BRINP1: variants seen among roughly 807,000 people sequenced by gnomAD.
BRINP1 encodes BMP/retinoic acid inducible neural specific 1.
Under a neutral mutation model 72.9 loss-of-function variants are expected in BRINP1, and 17 were observed. That is an observed-to-expected ratio of 0.23 (90% CI 0.16 to 0.35). The LOEUF is 0.35. Among genes scored for constraint, BRINP1 ranks in the 10% least tolerant of loss-of-function variants. The pLI, the probability that BRINP1 is intolerant of heterozygous loss-of-function variation, is 1.00. For missense variants in BRINP1, 850 were observed against 1,001.6 expected, an observed-to-expected ratio of 0.85 and a Z score of 2.04; for synonymous variants, 418 against 378.5, an observed-to-expected ratio of 1.10 and a Z score of -1.21.
At chr9:119,220,921 T>C (rs546333628) in intron 5 of BRINP1, among the ~76,000 whole-genome samples, 4 of 152,316 alleles carry the variant, frequency 2.6e-5, no homozygotes, top group African/African-American at 9.6e-5. Context: ...GCCTTTCTTA[T>C]GCAAGGCAAA....
intron 5 of BRINP1, among the ~76,000 whole-genome samples, chr9:119,218,847 T>C (rs1178964441): frequency 2.0e-5 from 3 of 151,428 alleles, no homozygotes; most frequent in African/African-American, 2.4e-5. Flanking sequence ...TCGGCTGCCA[T>C]GGACTGCATG....
chr9:119,213,591 C>G, intron 6 of BRINP1: 1 of 524,058 alleles, frequency 1.9e-6, no homozygotes, highest in Non-Finnish European at 3.4e-6. Context: ...CACACATACA[C>G]AGCCCAAGGA....
At chr9:119,186,436 G>A (rs1258689202) in intron 7 of BRINP1, among the ~76,000 whole-genome samples, 6 of 152,146 alleles carry the variant, frequency 3.9e-5, no homozygotes, top group Non-Finnish European at 7.4e-5. Context: ...AGCCATGACC[G>A]CATGCCTAAG....
chr9:119,262,181 G>A (rs1160774548), intron 2 of BRINP1, among the ~76,000 whole-genome samples: 1 of 152,190 alleles, frequency 6.6e-6, no homozygotes, highest in Non-Finnish European at 1.5e-5. Context: ...CATGCCACAT[G>A]TGGTTTAGGA....
intron 2 of BRINP1, among the ~76,000 whole-genome samples, chr9:119,259,336 T>C (rs1208822112): frequency 2.0e-5 from 3 of 152,220 alleles, no homozygotes; most frequent in Non-Finnish European, 4.4e-5. Context: ...TTAAACATAA[T>C]GAATGCAATT....
At chr9:119,177,192 C>T (rs1829499202) in intron 7 of BRINP1, among the ~76,000 whole-genome samples, 2 of 152,244 alleles carry the variant, frequency 1.3e-5, no homozygotes, top group South Asian at 4.2e-4. Flanking sequence ...CAAACTTCTA[C>T]CTCTCCCCTC....
intron 2 of BRINP1, among the ~76,000 whole-genome samples, chr9:119,290,162 T>C (rs1830807471): frequency 6.6e-6 from 1 of 152,226 alleles, no homozygotes; most frequent in Admixed American, 6.5e-5. Flanking sequence ...GGAGAGTTTA[T>C]TCTTGAAAAA....
chr9:119,283,574 G>C (rs1830733252), intron 2 of BRINP1, among the ~76,000 whole-genome samples: 1 of 152,132 alleles, frequency 6.6e-6, no homozygotes, highest in Non-Finnish European at 1.5e-5. Context: ...TGTTGCGTAG[G>C]CTGGAGTGCG....
At chr9:119,198,838 A>G (rs1829774231) in intron 7 of BRINP1, among the ~76,000 whole-genome samples, 1 of 151,754 alleles carries the variant, frequency 6.6e-6, no homozygotes, top group South Asian at 2.1e-4. Flanking sequence ...CGCCAGGCTG[A>G]TTTTTGTATT....
In BRINP1 at chr9:119,368,947, G is replaced by A. The variant is rs1318281948; in HGVS notation, c.-51+109C>T. The A allele has an allele frequency of 2.3e-5, 9 of 384,658 alleles. No individual in the cohort carries two copies. Among genetic ancestry groups the A allele is most frequent in the Non-Finnish European group, 4.1e-5 (9 of 217,588 alleles). The allele number at this position is 384,658 out of a possible 1,614,324, so 23.8% of individuals were successfully genotyped here. A position where few individuals can be genotyped will look rare whatever the true frequency, so the allele number is the denominator to read the frequency against. On this transcript the variant is annotated intron_variant, in intron 1 of 7. Coordinates refer to ENST00000265922, the MANE Select transcript of BRINP1 (RefSeq NM_014618.3). The surrounding 1 kb of genome is among the most constrained non-coding windows in gnomAD (Gnocchi z 4.7). ...GGCGGCCAGGTGAAGAGCGGACAAG[G>A]GTGCCGGTAGGGGGAGGGGCAGAGG...
intron 7 of BRINP1, among the ~76,000 whole-genome samples, chr9:119,169,262 T>C (rs562053730): frequency 3.3e-5 from 5 of 152,270 alleles, no homozygotes; most frequent in South Asian, 2.1e-4. Context: ...GCGCAGGTCA[T>C]TGGGTGCACG....
At chr9:119,232,253 C>T (rs1299255851) in intron 5 of BRINP1, among the ~76,000 whole-genome samples, 4 of 152,146 alleles carry the variant, frequency 2.6e-5, no homozygotes, top group African/African-American at 9.7e-5. Context: ...CCTCTCACCA[C>T]CTTCATTGCA....
rs1003871610 is a variant in BRINP1 at position 119,167,927 on chromosome 9, C to G, written c.1443G>C (p.Leu481=). 1 of 1,614,096 alleles carries G rather than the reference C, an allele frequency of 6.2e-7. No individual in the cohort carries two copies. The highest frequency in any genetic ancestry group is 1.3e-5 in the African/African-American group (1 of 74,936). Residue 481 remains leucine, a synonymous_variant, in exon 8 of 8, where the codon CTG becomes CTC. Transcript: ENST00000265922. The surrounding 1 kb of genome is among the most constrained non-coding windows in gnomAD (Gnocchi z 4.3). ...SEQFISFETD[L]DFQDLELKYL... is the part of the protein sequence containing the mutation. ...ACTTCAGCTCCAGGTCCTGGAAGTC[C>G]AGGTCAGTCTCAAAGCTGATGAACT... is the stretch of plus-strand genomic sequence containing the variant.
intron 3 of BRINP1, among the ~76,000 whole-genome samples, 173 bp from the exon 4 acceptor site, chr9:119,242,389 T>C (rs577422832): frequency 6.6e-6 from 1 of 152,250 alleles, no homozygotes; most frequent in South Asian, 2.1e-4. Flanking sequence ...GAGGTGGCTG[T>C]AAACACCAGG....
intron 2 of BRINP1, among the ~76,000 whole-genome samples, chr9:119,279,484 G>C (rs1156472659): frequency 1.3e-5 from 2 of 152,224 alleles, no homozygotes; most frequent in African/African-American, 4.8e-5. Flanking sequence ...AGAAAGGGTT[G>C]TATCTTATTT....
chr9:119,277,165 C>T (rs1564236302), intron 2 of BRINP1, among the ~76,000 whole-genome samples: 1 of 152,170 alleles, frequency 6.6e-6, no homozygotes, highest in Non-Finnish European at 1.5e-5. Flanking sequence ...TTATAGTAGC[C>T]TATGTGTAGA....
chr9:119,313,165 C>A lies in BRINP1; in HGVS notation c.191G>T (p.Gly64Val). 1 of 1,614,068 alleles carries A rather than the reference C, an allele frequency of 6.2e-7. No individual in the cohort carries two copies. Among genetic ancestry groups the A allele is most frequent in the African/African-American group, 1.3e-5 (1 of 75,048 alleles). The change falls in exon 2 of 8, where the codon GGA (glycine) becomes GTA (valine). Residue 64 changes from glycine (G) to valine (V), a missense_variant. Coordinates refer to ENST00000265922, the MANE Select transcript of BRINP1 (RefSeq NM_014618.3). ...YLSFVERHRQ[G>V]FTTRYKIYRE... Reference sequence around the variant, plus strand: ...GTATATTTTATATCTGGTTGTAAATCCTTGACGGTGTCTTTCCACAAAGGA... The same window carrying A: ...GTATATTTTATATCTGGTTGTAAATACTTGACGGTGTCTTTCCACAAAGGA...
At chr9:119,345,109 C>T (rs561719448) in intron 1 of BRINP1, among the ~76,000 whole-genome samples, 1 of 152,284 alleles carries the variant, frequency 6.6e-6, no homozygotes, top group South Asian at 2.1e-4. Context: ...ACCCAAAACC[C>T]CTGTCTCATT....
At chr9:119,296,735 T>C (rs940521362) in intron 2 of BRINP1, among the ~76,000 whole-genome samples, 1 of 152,156 alleles carries the variant, frequency 6.6e-6, no homozygotes, top group Admixed American at 6.5e-5. Context: ...TGGAGGACAT[T>C]ATGCTAAATG....
Sources: allele counts gnomAD v4.1 joint callset (sites outside exome capture counted in the v4.1 genomes callset), GRCh38; gene constraint gnomAD v4.1.1; non-coding constraint Gnocchi (gnomAD v3.1); transcripts MANE v1.5; gene names NCBI Gene and HGNC (gene_info 2026-07-23, HGNC 2026-07-21).